ATAD2B: variants seen among roughly 807,000 people sequenced by gnomAD.
The protein encoded by ATAD2B is ATPase family AAA domain containing 2B, also known as ATPase family AAA domain-containing protein 2B.
In ATAD2B, 40 loss-of-function variants were observed where a neutral mutation model predicts 167.6. The observed-to-expected ratio is 0.24, with a 90% CI of 0.19 to 0.31. The LOEUF is 0.31. ATAD2B is among the 10% of genes least tolerant of loss of function. The probability of loss-of-function intolerance (pLI) is 1.00; values close to 1 mark genes in which losing one functional copy is unlikely to be tolerated. For missense variants in ATAD2B, 1,242 were observed against 1,757.2 expected (o/e 0.71, Z 5.24); for synonymous variants, 579 against 596.5 (o/e 0.97, Z 0.43).
intron 10 of ATAD2B, among the ~76,000 whole-genome samples, chr2:23,866,336 C>T (rs1024778393): frequency 3.3e-5 from 5 of 152,186 alleles, no homozygotes; most frequent in East Asian, 1.9e-4. Context: ...ACCCGGGAGG[C>T]GGAGGTTGCG....
At chr2:23,910,403 C>T (rs570018423) in intron 1 of ATAD2B, among the ~76,000 whole-genome samples, 3 of 150,364 alleles carry the variant, frequency 2.0e-5, no homozygotes, top group Non-Finnish European at 3.0e-5. Flanking sequence ...GTCTCGAACT[C>T]CTGACCTCAG....
At chr2:23,926,511 G>T in intron 1 of ATAD2B, 44 bp downstream of exon 1, 2 of 1,527,356 alleles carry the variant, frequency 1.3e-6, no homozygotes, top group Non-Finnish European at 1.8e-6. Flanking sequence ...CGGCAGCAGG[G>T]CCGGCACTTC....
At chr2:23,871,795 T>C (rs1373310815) in intron 8 of ATAD2B, among the ~76,000 whole-genome samples, 2 of 152,186 alleles carry the variant, frequency 1.3e-5, no homozygotes, top group African/African-American at 4.8e-5. Flanking sequence ...TTAACCCACC[T>C]CCTACTCCTT....
At chr2:23,697,993 A>T in the ATAD2B span, 18 of 152,164 alleles carry the variant, frequency 1.2e-4, no homozygotes, top group African/African-American at 4.1e-4. Context: ...GACACTGATT[A>T]CTCATTTTGC....
At chr2:23,693,552 C>T in the ATAD2B span, 3 of 1,537,156 alleles carry the variant, frequency 2.0e-6, no homozygotes. Flanking sequence ...TGTCCCCCGC[C>T]CCTTCTCTCT....
chr2:23,734,780 T>C, the ATAD2B span, among the ~76,000 whole-genome samples: 3 of 152,278 alleles, frequency 2.0e-5, no homozygotes, highest in African/African-American at 7.2e-5. Context: ...GAGATGTGGG[T>C]GGGGACACAG....
Position 23,752,091 on chromosome 2 carries a change from T to C in ATAD2B, c.4336-4A>G, listed in dbSNP as rs1304183044. ...TATGAACTGTTCTTTCCATCTCCTA[T>C]AAAAGGAAAAAAAATGCATGTTATC... is the stretch of plus-strand genomic sequence containing the variant. On this transcript the variant is annotated splice_polypyrimidine_tract_variant and splice_region_variant and intron_variant, in intron 27 of 27. Coordinates refer to ENST00000238789, the MANE Select transcript of ATAD2B (RefSeq NM_017552.4). 2.8e-5 allele frequency: 43 copies of C among 1,549,334 alleles called. No individual in the cohort carries two copies. The highest frequency in any genetic ancestry group is 3.7e-5 in the Non-Finnish European group (42 of 1,141,640).
At chr2:23,725,220 A>G in the ATAD2B span, among the ~76,000 whole-genome samples, 6 of 152,200 alleles carry the variant, frequency 3.9e-5, no homozygotes, top group Non-Finnish European at 5.9e-5. Context: ...TGGTGAACAT[A>G]TTCTTCGGAA....
At chr2:23,882,502 TAAAAAAA>T (rs770725105) in intron 6 of ATAD2B, among the ~76,000 whole-genome samples, 5 of 92,200 alleles carry the variant, frequency 5.4e-5, no homozygotes, top group African/African-American at 8.3e-5. Context: ...AGCCTCTATT[TAAAAAAA>T]AAAAAAAAAA....
chr2:23,884,523 T>A (rs574109629), intron 6 of ATAD2B, among the ~76,000 whole-genome samples: 27 of 152,170 alleles, frequency 1.8e-4, no homozygotes, highest in Non-Finnish European at 3.2e-4. Flanking sequence ...ACTGAAGGAC[T>A]ACCAATGGCT....
chr2:23,842,450 C>G (rs548666936), intron 13 of ATAD2B, among the ~76,000 whole-genome samples: 10 of 152,150 alleles, frequency 6.6e-5, no homozygotes, highest in Middle Eastern at 3.4e-3. Flanking sequence ...TAAACAGAGA[C>G]AGATGGGTTC....
chr2:23,786,508 T>C (rs1449157832), intron 20 of ATAD2B, among the ~76,000 whole-genome samples: 1 of 152,086 alleles, frequency 6.6e-6, no homozygotes, highest in African/African-American at 2.4e-5. Flanking sequence ...CATGTGACTA[T>C]ACTGAATACT....
At chr2:23,816,125 T>C (rs1157600176) in intron 17 of ATAD2B, among the ~76,000 whole-genome samples, 1 of 152,236 alleles carries the variant, frequency 6.6e-6, no homozygotes, top group Non-Finnish European at 1.5e-5. Flanking sequence ...CTATCTGGTT[T>C]GTAAAGATTT....
At chr2:23,688,152 G>A in the ATAD2B span, among the ~76,000 whole-genome samples, 1 of 152,174 alleles carries the variant, frequency 6.6e-6, no homozygotes, top group Non-Finnish European at 1.5e-5. Flanking sequence ...TGGCACAATG[G>A]CGTCACCCAC....
At chr2:23,861,063 C>T (rs1356727898) in intron 12 of ATAD2B, among the ~76,000 whole-genome samples, 1 of 151,928 alleles carries the variant, frequency 6.6e-6, no homozygotes, top group Non-Finnish European at 1.5e-5. Flanking sequence ...AGTGCAGTGG[C>T]TCACACCTGT....
At chr2:23,916,723 C>T (rs188903742) in intron 1 of ATAD2B, among the ~76,000 whole-genome samples, 15 of 152,226 alleles carry the variant, frequency 9.9e-5, no homozygotes, top group African/African-American at 3.4e-4. Flanking sequence ...GAGACAAGAA[C>T]GGGTATAAAC....
At chr2:23,756,285 T>G (rs900921247) in intron 25 of ATAD2B, among the ~76,000 whole-genome samples, 1 of 152,132 alleles carries the variant, frequency 6.6e-6, no homozygotes, top group African/African-American at 2.4e-5. Flanking sequence ...GTTTAACAGG[T>G]AGCATTTAAG....
intron 24 of ATAD2B, 136 bp from the exon 25 acceptor site, chr2:23,758,237 T>C (rs1384959596): frequency 1.5e-6 from 1 of 663,280 alleles, no homozygotes; most frequent in East Asian, 2.8e-5. Flanking sequence ...GCTCTTGACA[T>C]TCATGCTGAC....
chr2:23,695,930 CGCCCAT>C, the ATAD2B span: 1 of 1,548,178 alleles, frequency 6.5e-7, no homozygotes, highest in East Asian at 2.4e-5. The surrounding 1 kb of genome is among the most constrained non-coding windows in gnomAD (Gnocchi z 7.6). Flanking sequence ...GTCCCAAGGG[CGCCCAT>C]CCATGTCCCT....
Sources: gnomAD v4.1 joint callset for allele counts (sites outside exome capture counted in the v4.1 genomes callset) on GRCh38, gnomAD v4.1.1 for gene constraint, Gnocchi (gnomAD v3.1) non-coding constraint, MANE v1.5 for transcripts, NCBI Gene and HGNC (gene_info 2026-07-23, HGNC 2026-07-21) for gene names.